USP24: variants seen among roughly 807,000 people sequenced by gnomAD.
The protein encoded by USP24 is ubiquitin carboxyl-terminal hydrolase 24.
Under a neutral mutation model 361.6 loss-of-function variants are expected in USP24, and 97 were observed. The ratio of observed to expected loss-of-function variants is 0.27; its 90% CI spans 0.23 to 0.32. The LOEUF is 0.32. Among genes scored for constraint, USP24 ranks in the 10% least tolerant of loss-of-function variants. The probability of loss-of-function intolerance (pLI) is 1.00; values close to 1 mark genes in which losing one functional copy is unlikely to be tolerated. For synonymous variants in USP24, 1,098 were observed against 1,124.6 expected (o/e 0.98, Z 0.47); for missense variants, 2,353 against 3,165.6 (o/e 0.74, Z 6.16).
In USP24 at chr1:55,101,714, G is replaced by A. The variant is rs1473830328; in HGVS notation, c.5026-11C>T. ...CACTGGGGGAAGGTACTGGAAAAGA[G>A]AGGAATAGAAACAGCAGAGGAGAAG... On this transcript the variant is annotated splice_polypyrimidine_tract_variant and intron_variant, in intron 42 of 67. Coordinates refer to ENST00000294383, the MANE Select transcript of USP24 (RefSeq NM_015306.3). The A allele has an allele frequency of 2.5e-6, 4 of 1,595,076 alleles. No individual in the cohort carries two copies. The South Asian group carries it at 4.6e-5, about 18-fold the overall frequency.
At chr1:55,147,550 C>T in intron 18 of USP24, 99 bp downstream of exon 18, 2 of 1,334,618 alleles carry the variant, frequency 1.5e-6, no homozygotes, top group South Asian at 3.8e-5. Context: ...CATACAACCT[C>T]TTTATAGTTA....
intron 38 of USP24, 70 bp from the exon 39 acceptor site, chr1:55,110,316 G>T (rs1001156220): frequency 4.3e-5 from 55 of 1,286,004 alleles, no homozygotes; most frequent in Non-Finnish European, 5.5e-5. Flanking sequence ...TTCCTTGTAA[G>T]AACAAATTCA....
At chr1:55,093,673 T>C in intron 52 of USP24, 1 of 325,032 alleles carries the variant, frequency 3.1e-6, no homozygotes, top group Non-Finnish European at 5.7e-6. Flanking sequence ...CTCTGTTTAT[T>C]TGTGACATTT....
chr1:55,179,702 C>A (rs1643906702), intron 1 of USP24, among the ~76,000 whole-genome samples: 1 of 152,110 alleles, frequency 6.6e-6, no homozygotes, highest in Admixed American at 6.6e-5. Flanking sequence ...GGACCTCATA[C>A]ATTTCTCTCC....
intron 39 of USP24, among the ~76,000 whole-genome samples, 151 bp from the exon 40 acceptor site, chr1:55,107,581 C>A (rs529594609): frequency 6.6e-6 from 1 of 152,226 alleles, no homozygotes; most frequent in South Asian, 2.1e-4. Flanking sequence ...AGCTGGCTCA[C>A]ATCTGTAATC....
At chr1:55,177,286 T>C (rs1256257345) in intron 2 of USP24, among the ~76,000 whole-genome samples, 1 of 152,174 alleles carries the variant, frequency 6.6e-6, no homozygotes, top group Non-Finnish European at 1.5e-5. Context: ...TGTAAAATCA[T>C]CTTTTGGAAA....
In USP24 at chr1:55,215,232, T is replaced by A; in HGVS notation, c.-119A>T. 1 of 794,148 alleles carries A rather than the reference T, an allele frequency of 1.3e-6. No homozygotes were observed. Among genetic ancestry groups the A allele is most frequent in the African/African-American group, 1.8e-5 (1 of 54,780 alleles). 49.2% of individuals were successfully genotyped at this position (794,148 alleles called of 1,614,324 possible). A position where few individuals can be genotyped will look rare whatever the true frequency, so the allele number is the denominator to read the frequency against. ...GCGCCCAGGTTGGCCCCTGCGTTCC[T>A]GCCCCGGGTGCTCCGCAGCAGCCGG... is the stretch of plus-strand genomic sequence containing the variant. On this transcript the variant is annotated 5_prime_UTR_variant, in exon 1 of 68. Coordinates refer to ENST00000294383, the MANE Select transcript of USP24 (RefSeq NM_015306.3).
chr1:55,097,623 G>C lies in USP24; in HGVS notation c.5690C>G (p.Ser1897Cys). ...RFGFDWESGRSIKYDEQIRFP... is the reference protein window; with the variant it reads ...RFGFDWESGRCIKYDEQIRFP... Reference sequence around the variant, plus strand: ...CCTTATTTGTTCATCATATTTAATGGAGCGTCCGCTTTCCCAGTCAAACCC... The same window carrying C: ...CCTTATTTGTTCATCATATTTAATGCAGCGTCCGCTTTCCCAGTCAAACCC... Residue 1897 changes from serine to cysteine, a missense_variant, in exon 48 of 68, where the codon TCC becomes TGC. Around this residue, in one of 8 missense-constraint regions of USP24, gnomAD observed 105 missense variants for 200.3 expected, o/e 0.52. Transcript: ENST00000294383. The C allele has an allele frequency of 6.3e-7, 1 of 1,575,082 alleles. No individual in the cohort carries two copies.
intron 34 of USP24, 133 bp from the exon 35 acceptor site, chr1:55,124,761 C>T: frequency 1.1e-6 from 1 of 929,628 alleles, no homozygotes; most frequent in Non-Finnish European, 1.6e-6. Context: ...TGGCCTTTCT[C>T]AAGCTGCCAT....
intron 1 of USP24, among the ~76,000 whole-genome samples, chr1:55,197,942 A>G (rs1345093004): frequency 6.6e-6 from 1 of 152,226 alleles, no homozygotes; most frequent in Non-Finnish European, 1.5e-5. Context: ...TTTGTTCATT[A>G]TAACTACGAA....
At position 55,157,316 on chromosome 1, in the gene USP24, C is replaced by T. The variant is rs769792178; in HGVS notation, c.1282G>A (p.Asp428Asn). 6.2e-7 allele frequency: 1 copy of T among 1,602,548 alleles called. No homozygotes were observed. The highest frequency in any genetic ancestry group is 1.1e-5 in the South Asian group (1 of 87,072). ...AGCCAATCTAATAATCTGTCTGTATCTATAGCATTCTTCACAGATTTGGAT... is the reference window on the plus strand; with the variant it reads ...AGCCAATCTAATAATCTGTCTGTATTTATAGCATTCTTCACAGATTTGGAT... ...TLSKSVKNAI[D>N]TDRLLDWLVE... Residue 428 changes from aspartate (D) to asparagine (N), a missense_variant, in exon 11 of 68, where the codon GAT becomes AAT. By Grantham distance (23) the Asp-to-Asn change is conservative (BLOSUM62 1). Transcript: ENST00000294383.
At chr1:55,120,826 T>C (rs1404425699) in intron 37 of USP24, 70 bp from the exon 38 acceptor site, 7 of 1,428,466 alleles carry the variant, frequency 4.9e-6, no homozygotes. Context: ...AAAAGTGATT[T>C]TCTTCCAAAG....
intron 36 of USP24, among the ~76,000 whole-genome samples, chr1:55,122,429 G>A (rs1646309365): frequency 1.3e-5 from 2 of 152,286 alleles, no homozygotes; most frequent in Admixed American, 6.5e-5. Flanking sequence ...CCACCCCCTT[G>A]TAAAGATTTG....
intron 1 of USP24, among the ~76,000 whole-genome samples, chr1:55,179,803 G>A (rs1337832493): frequency 1.3e-5 from 2 of 151,888 alleles, no homozygotes; most frequent in Admixed American, 6.6e-5. Flanking sequence ...CTCTACTTCT[G>A]TCCATCTCCA....
intron 5 of USP24, among the ~76,000 whole-genome samples, chr1:55,170,951 T>G (rs1435884335): frequency 6.6e-6 from 1 of 152,188 alleles, no homozygotes; most frequent in Admixed American, 6.6e-5. Flanking sequence ...ATTGCTGACC[T>G]AAACCTCTGC....
At chr1:55,094,628 C>T (rs567940852) in intron 51 of USP24, among the ~76,000 whole-genome samples, 1 of 147,366 alleles carries the variant, frequency 6.8e-6, no homozygotes, top group South Asian at 2.2e-4. Context: ...AAAACAACAA[C>T]ATTCTGACAG....
At chr1:55,112,638 ATTG>A (rs1645987326) in intron 38 of USP24, among the ~76,000 whole-genome samples, 1 of 152,018 alleles carries the variant, frequency 6.6e-6, no homozygotes, top group Non-Finnish European at 1.5e-5. Context: ...GGTCTGAGAG[ATTG>A]TTATGACTTC....
At position 55,171,541 on chromosome 1, in the gene USP24, C is replaced by T. The variant is rs373858703; in HGVS notation, c.825+15G>A. 9 of 1,597,396 alleles carry T rather than the reference C, an allele frequency of 5.6e-6. No homozygotes were observed. Among genetic ancestry groups the T allele is most frequent in the Non-Finnish European group, 6.8e-6 (8 of 1,172,200 alleles). On this transcript the variant is annotated intron_variant, in intron 5 of 67. Transcript: ENST00000294383. ...TACATTTTTCTATAAAAAGATGAAA[C>T]TAAATGATGTTTACCTTTTGGAAAG...
At chr1:55,157,833 CAA>C (rs1179133312) in intron 10 of USP24, among the ~76,000 whole-genome samples, 30 of 77,610 alleles carry the variant, frequency 3.9e-4, no homozygotes, top group Non-Finnish European at 2.6e-4. Context: ...GACTCCATCT[CAA>C]AAAAAAAAAA....
Sources: allele counts gnomAD v4.1 joint callset (sites outside exome capture counted in the v4.1 genomes callset), GRCh38; gene constraint gnomAD v4.1.1; regional missense constraint gnomAD v4.1.1; transcripts MANE v1.5; gene names NCBI Gene and HGNC (gene_info 2026-07-23, HGNC 2026-07-21).